Variants in CHCHD7 observed in about 807,000 individuals in gnomAD.
The protein encoded by CHCHD7 is coiled-coil-helix-coiled-coil-helix domain-containing protein 7.
A neutral mutation model predicts 10.5 loss-of-function variants in CHCHD7; 7 were observed. That is an observed-to-expected ratio of 0.67 (90% confidence interval 0.38 to 1.25). The LOEUF (loss-of-function observed/expected upper bound fraction) is 1.25. Among genes scored for constraint, CHCHD7 ranks in the 50% most tolerant of loss-of-function variants. The probability of loss-of-function intolerance (pLI) is 0.02; values close to 1 mark genes in which losing one functional copy is unlikely to be tolerated. For synonymous variants in CHCHD7, 40 were observed against 36.0 expected (o/e 1.11, Z -0.40); for missense variants, 100 against 104.5 (o/e 0.96, Z 0.19).
chr8:56,216,661 C>T, intron 3 of CHCHD7, 130 bp downstream of exon 3: 2 of 930,088 alleles, frequency 2.2e-6, no homozygotes, highest in South Asian at 2.8e-5. Flanking sequence ...TCAACTTTAT[C>T]CTCTGTGTGC....
rs1252232485 is a variant in CHCHD7, at chr8:56,211,807, G to C, written c.-47G>C. 1 of 152,830 alleles carries C rather than the reference G, an allele frequency of 6.5e-6. No individual in the cohort carries two copies. The highest frequency in any genetic ancestry group is 2.1e-4 in the South Asian group (1 of 4,842). The allele number at this position is 152,830 out of a possible 1,614,324, so 9.5% of individuals were successfully genotyped here. A position where few individuals can be genotyped will look rare whatever the true frequency, so the allele number is the denominator to read the frequency against. ...CATTGACGTGTTTGGAGCTGGAGACGGCCTGGGTGCTGGCGAAGCGGAGGC... is the reference window on the plus strand; with the variant it reads ...CATTGACGTGTTTGGAGCTGGAGACCGCCTGGGTGCTGGCGAAGCGGAGGC... On this transcript the variant is annotated 5_prime_UTR_variant, in exon 1 of 4. Transcript: ENST00000355315.
chr8:56,216,247 C>G (rs746244634), intron 2 of CHCHD7, 186 bp from the exon 3 acceptor site: 178 of 838,056 alleles, frequency 2.1e-4, no homozygotes, highest in Non-Finnish European at 2.3e-4. Context: ...AAGATGTTAG[C>G]CTGAGCAGAG....
intron 2 of CHCHD7, chr8:56,214,917 C>G (rs1019584928): frequency 5.6e-6 from 2 of 356,298 alleles, no homozygotes; most frequent in South Asian, 4.9e-5. Flanking sequence ...TAAAACTAGA[C>G]AGGAAAATGT....
At position 56,216,518 on chromosome 8, in the gene CHCHD7, G is replaced by A; in HGVS notation, c.140G>A (p.Cys47Tyr). 6.2e-7 allele frequency: 1 copy of A among 1,614,172 alleles called. No homozygotes were observed. Among genetic ancestry groups the A allele is most frequent in the Non-Finnish European group, 8.5e-7 (1 of 1,180,038 alleles). The change falls in exon 3 of 4, where the codon TGC becomes TAC. Residue 47 changes from cysteine to tyrosine, a missense_variant. Transcript: ENST00000355315. ...CSTYFLRYKN[C>Y]RRFWNSIVMQ... ...ACTTACTTCTTGAGGTACAAAAACT[G>A]CCGGAGATTCTGGGTAAGCCTAGAT...
At chr8:56,216,251 A>AG in intron 2 of CHCHD7, 182 bp from the exon 3 acceptor site, 1 of 861,574 alleles carries the variant, frequency 1.2e-6, no homozygotes, top group Non-Finnish European at 1.7e-6. Flanking sequence ...TGTTAGCCTG[A>AG]GCAGAGTGCA....
chr8:56,217,311 A>C lies in CHCHD7; in HGVS notation c.154-20A>C. ...GACTGATTTTGGTTTCTTCTTTTTT[A>C]TTTTAATGCCTGTACACAGAATTCT... On this transcript the variant is annotated intron_variant, in intron 3 of 3. Coordinates refer to ENST00000355315, the MANE Select transcript of CHCHD7 (RefSeq NM_001011671.3). 6.7e-7 allele frequency: 1 copy of C among 1,484,062 alleles called. No homozygotes were observed. Among genetic ancestry groups the C allele is most frequent in the South Asian group, 1.2e-5 (1 of 84,692 alleles). The allele number at this position is 1,484,062 out of a possible 1,614,324, so 91.9% of individuals were successfully genotyped here.
intron 1 of CHCHD7, chr8:56,212,903 T>G (rs762448656): frequency 6.3e-7 from 1 of 1,587,754 alleles, no homozygotes; most frequent in Non-Finnish European, 8.6e-7. Context: ...TATGTGATGT[T>G]ACCTAGGTAT....
intron 1 of CHCHD7, chr8:56,213,121 A>G (rs975592757): frequency 2.7e-6 from 1 of 371,496 alleles, no homozygotes. Context: ...TCTCTTAGGA[A>G]GAAGGGAAGT....
At chr8:56,212,801 G>A in intron 1 of CHCHD7, 9 of 1,259,794 alleles carry the variant, frequency 7.1e-6, no homozygotes, top group Non-Finnish European at 1.0e-5. Flanking sequence ...GGGACTTTCG[G>A]AAATCCAAAC....
intron 2 of CHCHD7, 106 bp downstream of exon 2, chr8:56,214,773 T>A: frequency 1.3e-6 from 1 of 764,800 alleles, no homozygotes; most frequent in Non-Finnish European, 2.2e-6. Context: ...GTTATTTCTC[T>A]AGAAAAAATA....
Position 56,218,135 on chromosome 8 carries a change from CA to C in CHCHD7, c.*701del. ...TCCTTAAATATTGGGTTGCCTTCTG[CA>C]GCTGTAGTATCAGTTTTTGAACCAC... On this transcript the variant is annotated 3_prime_UTR_variant, in exon 4 of 4. Transcript: ENST00000355315. 4.4e-6 allele frequency: 1 copy of C among 227,704 alleles called. No individual in the cohort carries two copies. Among genetic ancestry groups the C allele is most frequent in the East Asian group, 6.3e-5 (1 of 15,818 alleles). 14.1% of individuals were successfully genotyped at this position (227,704 alleles called of 1,614,324 possible).
At chr8:56,216,594 A>G (rs909601099) in intron 3 of CHCHD7, 63 bp downstream of exon 3, 14 of 1,553,294 alleles carry the variant, frequency 9.0e-6, no homozygotes, top group African/African-American at 1.4e-5. Context: ...CTGAAGCCTA[A>G]AATTAGTCAG....
chr8:56,213,043 GT>G, intron 1 of CHCHD7: 1 of 561,176 alleles, frequency 1.8e-6, no homozygotes, highest in Non-Finnish European at 3.2e-6. Flanking sequence ...TGTATGAAGA[GT>G]TCTGTGTTCT....
chr8:56,216,688 G>A, intron 3 of CHCHD7, 157 bp downstream of exon 3: 1 of 804,300 alleles, frequency 1.2e-6, no homozygotes, highest in Non-Finnish European at 2.1e-6. Context: ...AGCCGTGAAA[G>A]ATCCTTGAGA....
chr8:56,217,251 G>A (rs1378683664), intron 3 of CHCHD7, 80 bp from the exon 4 acceptor site: 5 of 793,980 alleles, frequency 6.3e-6, no homozygotes, highest in Non-Finnish European at 9.8e-6. Context: ...GGAAGCAATA[G>A]CAAATTACTG....
At chr8:56,215,109 G>A (rs2129240882) in intron 2 of CHCHD7, 1 of 155,144 alleles carries the variant, frequency 6.4e-6, no homozygotes, top group Middle Eastern at 3.4e-3. Context: ...AAAGGTATCT[G>A]ATAAACAAAA....
In CHCHD7 at chr8:56,218,360, C is replaced by A. The variant is rs1285197640; in HGVS notation, c.*925C>A. The A allele has an allele frequency of 1.3e-5, 3 of 227,236 alleles. No homozygotes were observed. The highest frequency in any genetic ancestry group is 6.7e-5 in the African/African-American group (3 of 44,990). The allele number at this position is 227,236 out of a possible 1,614,324, so 14.1% of individuals were successfully genotyped here. The stretch of plus-strand genomic sequence containing the variant: ...AGACTGTGAAGCAGCCCTCCTTATG[C>A]CCACTGCCTTTTAGAATCGTTTGTT... On this transcript the variant is annotated 3_prime_UTR_variant, in exon 4 of 4. Transcript: ENST00000355315.
At chr8:56,217,169 T>A (rs1813397497) in intron 3 of CHCHD7, among the ~76,000 whole-genome samples, 162 bp from the exon 4 acceptor site, 1 of 152,228 alleles carries the variant, frequency 6.6e-6, no homozygotes, top group African/African-American at 2.4e-5. Flanking sequence ...AATACGTTTA[T>A]CTGGAGTCCT....
intron 3 of CHCHD7, 189 bp downstream of exon 3, chr8:56,216,720 G>A (rs1585859326): frequency 6.9e-6 from 5 of 724,236 alleles, no homozygotes; most frequent in East Asian, 2.7e-5. Flanking sequence ...CTGCCTCGTC[G>A]TCCTCTAAGC....
Sources: gnomAD v4.1 joint callset for allele counts (sites outside exome capture counted in the v4.1 genomes callset) on GRCh38, gnomAD v4.1.1 for gene constraint, MANE v1.5 for transcripts, NCBI Gene and HGNC (gene_info 2026-07-23, HGNC 2026-07-21) for gene names.